KLHL1: variants seen among roughly 807,000 people sequenced by gnomAD.
KLHL1 encodes the protein kelch-like protein 1.
Under a neutral mutation model 77.7 loss-of-function variants are expected in KLHL1, and 47 were observed. The ratio of observed to expected loss-of-function variants is 0.60; its 90% CI spans 0.48 to 0.77. The LOEUF (loss-of-function observed/expected upper bound fraction) is 0.77, where lower values mean the gene tolerates loss of function less well. Among genes scored for constraint, KLHL1 ranks in the 30% least tolerant of loss-of-function variants. KLHL1 has a pLI of 0.00. For missense variants in KLHL1, 925 were observed against 910.8 expected (o/e 1.02, Z -0.20); for synonymous variants, 360 against 325.2 (o/e 1.11, Z -1.15).
chr13:70,041,989 A>C (rs2137380425), intron 1 of KLHL1, among the ~76,000 whole-genome samples: 1 of 152,194 alleles, frequency 6.6e-6, no homozygotes, highest in South Asian at 2.1e-4. Flanking sequence ...TGTTTGGTTA[A>C]AGTAGATTGT....
At chr13:69,780,711 T>TAC (rs1566243647) in intron 7 of KLHL1, among the ~76,000 whole-genome samples, 11 of 40,036 alleles carry the variant, frequency 2.7e-4, no homozygotes, top group African/African-American at 1.5e-3. Context: ...TGTATATATA[T>TAC]ATATGTATAT....
intron 3 of KLHL1, among the ~76,000 whole-genome samples, chr13:69,943,331 AT>A (rs1883421187): frequency 6.6e-6 from 1 of 152,052 alleles, no homozygotes; most frequent in African/African-American, 2.4e-5. Flanking sequence ...AAAAAAGACT[AT>A]TATATTTTAT....
chr13:69,986,957 C>T (rs1402802790), intron 1 of KLHL1, among the ~76,000 whole-genome samples: 4 of 151,682 alleles, frequency 2.6e-5, no homozygotes, highest in Non-Finnish European at 2.9e-5. Context: ...AGATATCCAA[C>T]AGTAAATAAT....
At chr13:70,023,952 G>A (rs144375027) in intron 1 of KLHL1, among the ~76,000 whole-genome samples, 4 of 151,738 alleles carry the variant, frequency 2.6e-5, no homozygotes, top group South Asian at 4.1e-4. Context: ...CATTAGAAAC[G>A]TATATAGTTT....
chr13:69,791,621 A>C (rs1403275086), intron 7 of KLHL1, among the ~76,000 whole-genome samples: 1 of 152,188 alleles, frequency 6.6e-6, no homozygotes, highest in African/African-American at 2.4e-5. Flanking sequence ...AAAATACAAA[A>C]ATAAACCCTC....
At chr13:69,982,126 A>G (rs141587533) in intron 1 of KLHL1, among the ~76,000 whole-genome samples, 2 of 152,152 alleles carry the variant, frequency 1.3e-5, no homozygotes, top group African/African-American at 4.8e-5. Context: ...AGTAACTAAA[A>G]AGCAAAAACC....
chr13:69,774,248 A>G (rs938137319), intron 7 of KLHL1, among the ~76,000 whole-genome samples: 2 of 152,012 alleles, frequency 1.3e-5, no homozygotes, highest in Non-Finnish European at 2.9e-5. Flanking sequence ...ATAGAGTTCA[A>G]GATGAAATTG....
intron 4 of KLHL1, among the ~76,000 whole-genome samples, chr13:69,933,394 CTA>C (rs1245391215): frequency 6.6e-6 from 1 of 152,108 alleles, no homozygotes; most frequent in Non-Finnish European, 1.5e-5. Context: ...AAATATTCTT[CTA>C]AGGCAAACTC....
chr13:70,021,255 T>C (rs1291922698), intron 1 of KLHL1, among the ~76,000 whole-genome samples: 1 of 152,090 alleles, frequency 6.6e-6, no homozygotes, highest in Admixed American at 6.6e-5. Flanking sequence ...GAATGTCATA[T>C]GGTTGTATGC....
chr13:69,866,497 C>A (rs1444221149), intron 5 of KLHL1, among the ~76,000 whole-genome samples: 2 of 151,994 alleles, frequency 1.3e-5, no homozygotes, highest in Admixed American at 1.3e-4. Context: ...CAGTGATTCC[C>A]TAGTGTTTCT....
At chr13:69,768,012 A>C (rs1875388239) in intron 7 of KLHL1, among the ~76,000 whole-genome samples, 1 of 152,232 alleles carries the variant, frequency 6.6e-6, no homozygotes, top group Non-Finnish European at 1.5e-5. Context: ...TAAATTAGTA[A>C]AATACATTTG....
intron 10 of KLHL1, among the ~76,000 whole-genome samples, chr13:69,704,977 T>C (rs1389011862): frequency 1.3e-5 from 2 of 151,376 alleles, no homozygotes; most frequent in South Asian, 2.1e-4. Flanking sequence ...AGTTGCACAA[T>C]AGTTCTCAAT....
chr13:69,955,432 C>A (rs1269201647), intron 3 of KLHL1, among the ~76,000 whole-genome samples: 3 of 151,330 alleles, frequency 2.0e-5, no homozygotes, highest in Non-Finnish European at 4.4e-5. Context: ...TGCCATTTGG[C>A]AGTTTAATTT....
chr13:69,748,512 C>T (rs1393283945), intron 7 of KLHL1, among the ~76,000 whole-genome samples: 1 of 151,992 alleles, frequency 6.6e-6, no homozygotes, highest in Non-Finnish European at 1.5e-5. Flanking sequence ...TTCAAATTAT[C>T]TCCCCCTGGG....
chr13:70,030,192 G>A (rs1886058658), intron 1 of KLHL1, among the ~76,000 whole-genome samples: 1 of 152,132 alleles, frequency 6.6e-6, no homozygotes. Context: ...CAACGAGACA[G>A]AAAGTTAGCA....
At chr13:69,994,984 A>G (rs1470280338) in intron 1 of KLHL1, among the ~76,000 whole-genome samples, 1 of 152,120 alleles carries the variant, frequency 6.6e-6, no homozygotes, top group Non-Finnish European at 1.5e-5. Context: ...GCTCTTTGGT[A>G]TCTATATCAA....
Position 69,711,204 on chromosome 13 carries a change from T to C in KLHL1, c.2016-3408A>G, listed in dbSNP as rs555434401. Among the ~76,000 whole-genome samples, 2 of 152,262 alleles carry C rather than the reference T, an allele frequency of 1.3e-5. 1 individual carries two copies. The highest frequency in any genetic ancestry group is 4.1e-4 in the South Asian group (2 of 4,832). On this transcript the variant is annotated intron_variant, in intron 9 of 10. Transcript: ENST00000377844. Reference sequence around the variant, plus strand: ...TCTTAACAAATAGAATTGAGAATGTTTCTTTTCCCAAGTTTGTACAGGAGA... The same window carrying C: ...TCTTAACAAATAGAATTGAGAATGTCTCTTTTCCCAAGTTTGTACAGGAGA...
chr13:69,814,924 T>A (rs950561856), intron 6 of KLHL1, among the ~76,000 whole-genome samples: 1 of 152,000 alleles, frequency 6.6e-6, no homozygotes, highest in African/African-American at 2.4e-5. Context: ...GGCAGGAGAA[T>A]TGCTTGAACC....
At chr13:69,987,957 T>A (rs11839969) in intron 1 of KLHL1, among the ~76,000 whole-genome samples, 21,839 of 151,856 alleles carry the variant, frequency 0.14, 3,205 homozygotes, top group African/African-American at 0.38. Context: ...TCTTTTTTTT[T>A]AATTTATCTT....
Sources: allele counts gnomAD v4.1 joint callset (sites outside exome capture counted in the v4.1 genomes callset), GRCh38; gene constraint gnomAD v4.1.1; transcripts MANE v1.5; gene names NCBI Gene and HGNC (gene_info 2026-07-23, HGNC 2026-07-21).